MAL2: variants seen among roughly 807,000 people sequenced by gnomAD.
The protein encoded by MAL2 is mal, T cell differentiation protein 2.
Under a neutral mutation model 18.1 loss-of-function variants are expected in MAL2, and 17 were observed. The ratio of observed to expected loss-of-function variants is 0.94; its 90% CI spans 0.64 to 1.41. The LOEUF (loss-of-function observed/expected upper bound fraction) is 1.41, where lower values mean the gene tolerates loss of function less well. Ranked by LOEUF, MAL2 falls within the 40% of genes most tolerant of loss-of-function variation. The pLI, the probability that MAL2 is intolerant of heterozygous loss-of-function variation, is 0.00. For synonymous variants in MAL2, 102 were observed against 102.3 expected, an observed-to-expected ratio of 1.00 and a Z score of 0.02; for missense variants, 222 against 231.9, an observed-to-expected ratio of 0.96 and a Z score of 0.28.
chr8:119,234,025 T>G (rs1817804622), intron 2 of MAL2, among the ~76,000 whole-genome samples: 1 of 152,080 alleles, frequency 6.6e-6, no homozygotes, highest in Non-Finnish European at 1.5e-5. Flanking sequence ...GACGGATGAT[T>G]TCTGCATTTC....
chr8:119,240,925 G>A (rs1279098760), intron 3 of MAL2, among the ~76,000 whole-genome samples: 1 of 152,048 alleles, frequency 6.6e-6, no homozygotes, highest in African/African-American at 2.4e-5. Context: ...GAGTGAATTT[G>A]TCATTTTGTG....
rs748012911 is a variant in MAL2, at chr8:119,240,175, A to C, written c.314A>C (p.Tyr105Ser). 6.2e-7 allele frequency: 1 copy of C among 1,613,160 alleles called. No individual in the cohort carries two copies. Among genetic ancestry groups the C allele is most frequent in the Non-Finnish European group, 8.5e-7 (1 of 1,179,528 alleles). Residue 105 changes from tyrosine (Y) to serine (S), a missense_variant, in exon 3 of 4, where the codon TAC becomes TCC. Physicochemically the swap from Tyr to Ser is moderately radical, Grantham distance 144 (BLOSUM62 -2). Transcript: ENST00000614891. ...DANWNFLDFA[Y>S]HFTVFVFYFG... ...TCTCTCCTCTTTTAGGATTTTGCCT[A>C]CCATTTTACAGTATTTGTCTTCTAT...
Position 119,243,695 on chromosome 8 carries a change from A to G in MAL2, c.*207A>G, listed in dbSNP as rs562280743. ...TTAAAGAAATGGCCTTTTATTTTAC[A>G]TCTCTCCCCTTTTTCCCTTTCCCCC... On this transcript the variant is annotated 3_prime_UTR_variant, in exon 4 of 4. Transcript: ENST00000614891. 2.2e-4 allele frequency: 85 copies of G among 393,876 alleles called. No individual in the cohort carries two copies. The Middle Eastern group carries it at 3.7e-3, about 17-fold the overall frequency. The allele number at this position is 393,876 out of a possible 1,614,324, so 24.4% of individuals were successfully genotyped here.
chr8:119,239,558 G>A (rs1421478396), intron 2 of MAL2, among the ~76,000 whole-genome samples: 1 of 151,886 alleles, frequency 6.6e-6, no homozygotes, highest in East Asian at 1.9e-4. Flanking sequence ...AAGAAAATGT[G>A]GCACATATAC....
At chr8:119,221,462 C>A in intron 1 of MAL2, 125 bp from the exon 2 acceptor site, 2 of 1,158,910 alleles carry the variant, frequency 1.7e-6, no homozygotes, top group Non-Finnish European at 2.5e-6. Flanking sequence ...GATGGGGTTG[C>A]TGGAATATGT....
At position 119,221,421 on chromosome 8, in the gene MAL2, G is replaced by A. The variant is rs555118290; in HGVS notation, c.133-166G>A. On this transcript the variant is annotated intron_variant, in intron 1 of 3. Coordinates refer to ENST00000614891, the MANE Select transcript of MAL2 (RefSeq NM_052886.3). ...TTGATCTTGCACCTGAGGAAAGAAG[G>A]CATCTTACATAATAAGGGGAAAATC... is the stretch of plus-strand genomic sequence containing the variant. 1.1e-4 allele frequency: 81 copies of A among 731,726 alleles called. No homozygotes were observed. In the Middle Eastern group the frequency reaches 5.2e-3, roughly 47 times the overall value. The allele number at this position is 731,726 out of a possible 1,614,324, so 45.3% of individuals were successfully genotyped here.
chr8:119,219,261 C>A (rs910774751), intron 1 of MAL2, among the ~76,000 whole-genome samples: 3 of 152,082 alleles, frequency 2.0e-5, no homozygotes, highest in Non-Finnish European at 4.4e-5. Context: ...TATCATTGAT[C>A]AAGTGATCAT....
rs1408032268 is a variant in MAL2 at position 119,219,517 on chromosome 8, CTGGG to C, written c.133-2067_133-2064del. 5.2e-5 allele frequency among the ~76,000 whole-genome samples: 3 copies of C among 57,208 alleles called. No individual in the cohort carries two copies. The East Asian group carries it at 1.8e-3, about 34-fold the overall frequency. The allele number at this position is 57,208 out of a possible 152,430, so 37.5% of individuals were successfully genotyped here. A position where few individuals can be genotyped will look rare whatever the true frequency, so the allele number is the denominator to read the frequency against. ...TTAAGAGCGTGCTCTATCACTCTCC[CTGGG>C]TGTGTGTGTGTGTGTGTGTGTGTGT... On this transcript the variant is annotated intron_variant, in intron 1 of 3. Transcript: ENST00000614891.
intron 3 of MAL2, among the ~76,000 whole-genome samples, chr8:119,240,640 T>C (rs1325557041): frequency 6.6e-6 from 1 of 152,230 alleles, no homozygotes; most frequent in Non-Finnish European, 1.5e-5. Context: ...CTTTCAGAGA[T>C]GGTAAAGGAG....
chr8:119,243,011 T>C (rs1037812489), intron 3 of MAL2, among the ~76,000 whole-genome samples: 7 of 152,216 alleles, frequency 4.6e-5, no homozygotes, highest in Admixed American at 6.5e-5. Flanking sequence ...TAGAAATTAT[T>C]TGATGCATCC....
In MAL2 at chr8:119,208,688, C is replaced by T. The variant is rs2129761137; in HGVS notation, c.132+84C>T. 5 of 1,214,360 alleles carry T rather than the reference C, an allele frequency of 4.1e-6. No individual in the cohort carries two copies. The Middle Eastern group carries it at 8.4e-4, about 205-fold the overall frequency. The allele number at this position is 1,214,360 out of a possible 1,614,324, so 75.2% of individuals were successfully genotyped here. On this transcript the variant is annotated intron_variant, in intron 1 of 3. Transcript: ENST00000614891. The surrounding 1 kb of genome is among the most constrained non-coding windows in gnomAD (Gnocchi z 4.3). The stretch of plus-strand genomic sequence containing the variant: ...TTGTCCCCCGGGCTGTCTTCCTCTG[C>T]GTCCGCCCCCGGCCTCCTTCCCTTC...
intron 2 of MAL2, among the ~76,000 whole-genome samples, chr8:119,239,789 G>A (rs1436830963): frequency 6.6e-6 from 1 of 151,882 alleles, no homozygotes; most frequent in Non-Finnish European, 1.5e-5. Context: ...ATAGCATTAG[G>A]AGATATACCT....
intron 2 of MAL2, among the ~76,000 whole-genome samples, chr8:119,237,073 T>C (rs1817919949): frequency 6.6e-6 from 1 of 151,676 alleles, no homozygotes; most frequent in African/African-American, 2.4e-5. Flanking sequence ...AAAAGAAGAA[T>C]CAAATAGACA....
At chr8:119,239,659 C>A (rs1818002615) in intron 2 of MAL2, among the ~76,000 whole-genome samples, 1 of 151,612 alleles carries the variant, frequency 6.6e-6, no homozygotes, top group African/African-American at 2.4e-5. Flanking sequence ...TCTCAGTAAA[C>A]TATCGCAAGA....
At chr8:119,226,331 G>T (rs1332110826) in intron 2 of MAL2, among the ~76,000 whole-genome samples, 1 of 151,862 alleles carries the variant, frequency 6.6e-6, no homozygotes, top group Non-Finnish European at 1.5e-5. Flanking sequence ...TGTAAGGAAG[G>T]GATCCAGTTT....
Position 119,208,495 on chromosome 8 carries a change from TC to T in MAL2, c.26del (p.Pro9ArgfsTer65). On this transcript the variant is annotated frameshift_variant, in exon 1 of 4. Coordinates refer to ENST00000614891, the MANE Select transcript of MAL2 (RefSeq NM_052886.3). LOFTEE classifies it high-confidence loss of function. This position sits in a 1 kb window ranked among gnomAD's most constrained non-coding sequence, Gnocchi z 4.3. ...AGCATGTCGGCCGGCGGAGCGTCAG[TC>T]CCGCCGCCCCCGAACCCCGCCGTGT... MSAGGAS[V>X]PPPPNPAVSF... is the part of the protein sequence containing the mutation. 1 of 1,301,322 alleles carries T rather than the reference TC, an allele frequency of 7.7e-7. No homozygotes were observed. The highest frequency in any genetic ancestry group is 9.8e-7 in the Non-Finnish European group (1 of 1,023,674). The allele number at this position is 1,301,322 out of a possible 1,614,324, so 80.6% of individuals were successfully genotyped here.
chr8:119,231,985 C>T (rs962349261), intron 2 of MAL2, among the ~76,000 whole-genome samples: 3 of 151,988 alleles, frequency 2.0e-5, no homozygotes, highest in African/African-American at 7.2e-5. Context: ...TTCAAGAGAT[C>T]TATTGTACAG....
rs1190272564 is a variant in MAL2 at position 119,244,542 on chromosome 8, A to G, written c.*1054A>G. ...ATACAGTTGTTTGCCCTGTGCATGA[A>G]TATACCCATATTTGTGTGTGGATAT... On this transcript the variant is annotated 3_prime_UTR_variant, in exon 4 of 4. Transcript: ENST00000614891. 7 of 152,178 alleles carry G rather than the reference A, an allele frequency of 4.6e-5. No homozygotes were observed. The highest frequency in any genetic ancestry group is 1.2e-4 in the African/African-American group (5 of 41,456). The allele number at this position is 152,178 out of a possible 1,614,324, so 9.4% of individuals were successfully genotyped here.
rs1328432233 is a variant in MAL2 at position 119,230,883 on chromosome 8, T to TAACA, written c.303+9127_303+9130dup. On this transcript the variant is annotated intron_variant, in intron 2 of 3. Coordinates refer to ENST00000614891, the MANE Select transcript of MAL2 (RefSeq NM_052886.3). ...CTCCTACAAACGTGTGGCCAGTATG[T>TAACA]AACACTTTTCTTAAATCTTTTGAAG... Among the ~76,000 whole-genome samples the TAACA allele has an allele frequency of 2.0e-5, 3 of 152,338 alleles. No individual in the cohort carries two copies. In the East Asian group the frequency reaches 5.8e-4, roughly 29 times the overall value.
Sources: gnomAD v4.1 joint callset for allele counts (sites outside exome capture counted in the v4.1 genomes callset) on GRCh38, gnomAD v4.1.1 for gene constraint, Gnocchi (gnomAD v3.1) non-coding constraint, MANE v1.5 for transcripts, NCBI Gene and HGNC (gene_info 2026-07-23, HGNC 2026-07-21) for gene names.